Variants in MACROD2 observed in about 807,000 individuals in gnomAD.
The protein encoded by MACROD2 is ADP-ribose glycohydrolase MACROD2.
A neutral mutation model predicts 70.4 loss-of-function variants in MACROD2; 36 were observed. The ratio of observed to expected loss-of-function variants is 0.51; its 90% CI spans 0.39 to 0.68. MACROD2 has a LOEUF of 0.68. MACROD2 is among the 30% of genes least tolerant of loss of function. The pLI is 0.00. For synonymous variants in MACROD2, 172 were observed against 178.8 expected (o/e 0.96, Z 0.30); for missense variants, 496 against 538.4 (o/e 0.92, Z 0.78).
intron 3 of MACROD2, among the ~76,000 whole-genome samples, chr20:14,421,792 TA>T (rs1458498830): frequency 1.3e-5 from 2 of 152,158 alleles, no homozygotes; most frequent in African/African-American, 4.8e-5. Flanking sequence ...TTTTAAAATT[TA>T]TTGCAATTTG....
At chr20:15,605,053 AT>A (rs11470138) in intron 8 of MACROD2, among the ~76,000 whole-genome samples, 2 of 151,676 alleles carry the variant, frequency 1.3e-5, no homozygotes, top group African/African-American at 4.8e-5. Flanking sequence ...CCTTTAAGTG[AT>A]TTTTTTTGTT....
chr20:14,552,590 G>C (rs1030594183), intron 4 of MACROD2, among the ~76,000 whole-genome samples: 4 of 151,910 alleles, frequency 2.6e-5, no homozygotes, highest in African/African-American at 9.7e-5. Flanking sequence ...TTATGTTGTT[G>C]TGTGAACATC....
intron 3 of MACROD2, among the ~76,000 whole-genome samples, chr20:14,331,492 G>A (rs2082838561): frequency 6.6e-6 from 1 of 152,098 alleles, no homozygotes; most frequent in African/African-American, 2.4e-5. Flanking sequence ...CTTGGAAAAT[G>A]TCATTCTCTT....
intron 15 of MACROD2, among the ~76,000 whole-genome samples, chr20:16,004,629 T>C (rs576491727): frequency 1.3e-5 from 2 of 152,344 alleles, no homozygotes; most frequent in Admixed American, 6.5e-5. Flanking sequence ...TCTCTGCCTT[T>C]ATCTCGGCTG....
intron 8 of MACROD2, among the ~76,000 whole-genome samples, chr20:15,577,513 G>C (rs917477881): frequency 4.6e-5 from 7 of 152,058 alleles, no homozygotes; most frequent in Non-Finnish European, 8.8e-5. Flanking sequence ...AAGCTTCTCT[G>C]ATTAACTCTT....
At chr20:14,873,587 G>A (rs1453780136) in intron 5 of MACROD2, among the ~76,000 whole-genome samples, 1 of 152,128 alleles carries the variant, frequency 6.6e-6, no homozygotes, top group African/African-American at 2.4e-5. Flanking sequence ...TCAGGGCCGG[G>A]TGCAATGGCT....
intron 7 of MACROD2, among the ~76,000 whole-genome samples, chr20:15,446,501 C>T (rs1174725871): frequency 2.0e-5 from 3 of 152,192 alleles, no homozygotes; most frequent in African/African-American, 7.2e-5. Flanking sequence ...GGCCCTCCCC[C>T]AATAAATCTT....
At chr20:14,274,165 T>C (rs1391968925) in intron 3 of MACROD2, among the ~76,000 whole-genome samples, 1 of 152,150 alleles carries the variant, frequency 6.6e-6, no homozygotes, top group Admixed American at 6.5e-5. Context: ...ATCATCCTGA[T>C]ACCAAAGCTG....
intron 5 of MACROD2, among the ~76,000 whole-genome samples, chr20:14,877,180 A>C (rs2073560377): frequency 6.6e-6 from 1 of 151,988 alleles, no homozygotes; most frequent in African/African-American, 2.4e-5. Flanking sequence ...CATTTTGGTT[A>C]GCTATTTTCC....
intron 3 of MACROD2, among the ~76,000 whole-genome samples, chr20:14,459,357 T>C (rs915474990): frequency 6.6e-6 from 1 of 152,012 alleles, no homozygotes; most frequent in African/African-American, 2.4e-5. Context: ...TTTATACTTA[T>C]GAGACATATA....
chr20:14,957,575 G>A lies in MACROD2; in HGVS notation c.419-272365G>A, dbSNP rs73093923. On this transcript the variant is annotated intron_variant, in intron 5 of 17. Coordinates refer to ENST00000684519, the MANE Select transcript of MACROD2 (RefSeq NM_001351661.2). ...AATCGATTGGTAATGGCTGATGGCT[G>A]TTTCTGTTGAGAACTCTGAGGCTTA... is the stretch of plus-strand genomic sequence containing the variant. Among the ~76,000 whole-genome samples, 715 of 152,198 alleles carry A rather than the reference G, an allele frequency of 4.7e-3. 1 individual carries two copies. The highest frequency in any genetic ancestry group is 7.6e-3 in the Non-Finnish European group (519 of 68,020).
At chr20:14,279,339 C>G (rs866024030) in intron 3 of MACROD2, among the ~76,000 whole-genome samples, 1 of 152,260 alleles carries the variant, frequency 6.6e-6, no homozygotes, top group Non-Finnish European at 1.5e-5. Context: ...GACAATCATA[C>G]CTTTTCTTCC....
Position 15,328,839 on chromosome 20 carries a change from A to G in MACROD2, c.540+98778A>G, listed in dbSNP as rs150179537. 4.4e-3 allele frequency among the ~76,000 whole-genome samples: 674 copies of G among 152,284 alleles called. 9 individuals carry two copies. The highest frequency in any genetic ancestry group is 0.016 in the African/African-American group (652 of 41,566). ...GAAATTTCCTTAAAGAAAATTATCT[A>G]AAATTCAGAAAAGAATGCCAAAAGA... is the stretch of plus-strand genomic sequence containing the variant. On this transcript the variant is annotated intron_variant, in intron 6 of 17. Transcript: ENST00000684519.
chr20:15,206,012 A>G (rs1280817967), intron 5 of MACROD2, among the ~76,000 whole-genome samples: 4 of 152,156 alleles, frequency 2.6e-5, no homozygotes, highest in African/African-American at 4.8e-5. Context: ...GGTATAAATT[A>G]TTGTTTCAAA....
At chr20:14,523,611 C>T (rs6079474) in intron 4 of MACROD2, among the ~76,000 whole-genome samples, 2 of 152,164 alleles carry the variant, frequency 1.3e-5, no homozygotes, top group Admixed American at 6.5e-5. Flanking sequence ...TTAAACCAAC[C>T]TTGGGCATTA....
At chr20:13,997,734 A>G (rs1348985407) in intron 1 of MACROD2, among the ~76,000 whole-genome samples, 1 of 152,184 alleles carries the variant, frequency 6.6e-6, no homozygotes, top group African/African-American at 2.4e-5. Flanking sequence ...TCCAAAACTA[A>G]GTTATTTTTG....
intron 6 of MACROD2, among the ~76,000 whole-genome samples, chr20:15,400,789 C>T (rs2045918155): frequency 6.6e-6 from 1 of 152,162 alleles, no homozygotes; most frequent in South Asian, 2.1e-4. Context: ...CCTATCAAAC[C>T]ATGAGAGCTT....
intron 4 of MACROD2, among the ~76,000 whole-genome samples, chr20:14,662,880 G>A (rs1434302637): frequency 6.6e-6 from 1 of 152,132 alleles, no homozygotes; most frequent in African/African-American, 2.4e-5. Context: ...TGATGAGAGT[G>A]TAGATAGTGT....
intron 8 of MACROD2, among the ~76,000 whole-genome samples, chr20:15,797,618 C>T (rs935596118): frequency 2.6e-5 from 4 of 152,196 alleles, no homozygotes; most frequent in African/African-American, 9.7e-5. Flanking sequence ...TGTAGCCACG[C>T]ATAGCTACAA....
Sources: gnomAD v4.1 joint callset for allele counts (sites outside exome capture counted in the v4.1 genomes callset) on GRCh38, gnomAD v4.1.1 for gene constraint, MANE v1.5 for transcripts, NCBI Gene and HGNC (gene_info 2026-07-23, HGNC 2026-07-21) for gene names.